The following MED14 variants were observed in gnomAD, a reference collection of about 807,000 sequenced individuals.
MED14 encodes the protein mediator of RNA polymerase II transcription subunit 14.
A neutral mutation model predicts 109.0 loss-of-function variants in MED14; 8 were observed. The observed-to-expected ratio is 0.07, with a 90% CI of 0.04 to 0.13. The LOEUF (loss-of-function observed/expected upper bound fraction) is 0.13, where lower values mean the gene tolerates loss of function less well. MED14 is among the 10% of genes least tolerant of loss of function. The pLI is 1.00. For missense variants in MED14, 711 were observed against 1,142.4 expected (o/e 0.62, Z 5.44); for synonymous variants, 399 against 408.7 (o/e 0.98, Z 0.29).
At chrX:40,723,667 GAAAAAAAAAAAAAAAA>G (rs56676419) in intron 3 of MED14, among the ~76,000 whole-genome samples, 1 of 17,997 alleles carries the variant, frequency 5.6e-5, no homozygotes, top group Admixed American at 1.1e-3. Flanking sequence ...CTCCGTCTCA[GAAAAAAAAAAAAAAAA>G]AAAAAAAAAA....
chrX:40,692,681 T>G (rs368537403), intron 14 of MED14, 27 bp downstream of exon 14: 8 of 1,173,181 alleles, frequency 6.8e-6, no homozygotes, highest in Non-Finnish European at 8.0e-6. Flanking sequence ...ACACAAATTC[T>G]GTGCTCATTT....
rs891068376 is a variant in MED14, at chrX:40,691,897, C to A, written c.1980+286G>T. 4.5e-5 allele frequency among the ~76,000 whole-genome samples: 5 copies of A among 110,083 alleles called. No homozygotes were observed. The Admixed American group carries it at 4.8e-4, about 11-fold the overall frequency. ...AAAGTGCTGGGATTACAGGTGTGAGCCACCGTGCCCAGCCCTGTCCACTTT... is the reference window on the plus strand; with the variant it reads ...AAAGTGCTGGGATTACAGGTGTGAGACACCGTGCCCAGCCCTGTCCACTTT... On this transcript the variant is annotated intron_variant, in intron 15 of 30. Transcript: ENST00000324817.
At chrX:40,671,640 T>C (rs906412790) in intron 23 of MED14, among the ~76,000 whole-genome samples, 6 of 111,998 alleles carry the variant, frequency 5.4e-5, no homozygotes, top group Non-Finnish European at 1.1e-4. Context: ...TGAGTCTGGC[T>C]CTGGGTGACA....
rs753364174 is a variant in MED14 at position 40,666,698 on chromosome X, C to T, written c.3265+22G>A. ...TTCACATCAAGCTCTTATGCTATAT[C>T]GATTTCCATGTATGGACTCACCATG... On this transcript the variant is annotated intron_variant, in intron 24 of 30. Transcript: ENST00000324817. 18 of 1,203,580 alleles carry T rather than the reference C, an allele frequency of 1.5e-5. No homozygotes were observed. In the African/African-American group the frequency reaches 2.6e-4, roughly 18 times the overall value.
chrX:40,717,717 T>C (rs1250977939), intron 3 of MED14, among the ~76,000 whole-genome samples: 1 of 111,352 alleles, frequency 9.0e-6, no homozygotes, highest in African/African-American at 3.3e-5. Flanking sequence ...AAGACGGGGT[T>C]TCACCATGCT....
intron 30 of MED14, 151 bp from the exon 31 acceptor site, chrX:40,652,030 A>G (rs1255045358): frequency 3.5e-6 from 2 of 572,213 alleles, no homozygotes; most frequent in African/African-American, 4.8e-5. Flanking sequence ...ATTGGGGATT[A>G]AGCTGTGGTG....
intron 15 of MED14, among the ~76,000 whole-genome samples, chrX:40,690,540 G>A (rs1049679816): frequency 1.8e-5 from 2 of 110,863 alleles, no homozygotes; most frequent in African/African-American, 3.3e-5. Context: ...TCAGCCTCCC[G>A]AGTAGCTGGG....
At chrX:40,657,050 G>A (rs1929076776) in intron 28 of MED14, among the ~76,000 whole-genome samples, 1 of 110,850 alleles carries the variant, frequency 9.0e-6, no homozygotes. Context: ...ACCACACCTG[G>A]CTAATTCTTT....
chrX:40,701,000 G>A (rs1349813144), intron 12 of MED14, among the ~76,000 whole-genome samples, 165 bp downstream of exon 12: 1 of 111,693 alleles, frequency 9.0e-6, no homozygotes, highest in African/African-American at 3.3e-5. Context: ...CTGACATCTT[G>A]GAACTATTCC....
chrX:40,684,594 T>C (rs781029202), intron 16 of MED14, among the ~76,000 whole-genome samples: 47 of 112,524 alleles, frequency 4.2e-4, no homozygotes, highest in African/African-American at 1.5e-3. Flanking sequence ...TACTGAGGAC[T>C]TGCCTGCCCT....
intron 26 of MED14, among the ~76,000 whole-genome samples, chrX:40,661,597 G>A (rs780670591): frequency 1.8e-4 from 20 of 112,477 alleles, no homozygotes; most frequent in African/African-American, 6.1e-4. Flanking sequence ...TGCCTAGACA[G>A]TATATTAAGG....
rs763891066 is a variant in MED14 at position 40,709,502 on chromosome X, A to G, written c.1174-43T>C. ...ACAAATTCAAATGTGCAATTTAAACATTTTTACTTTAAAAGCCCAAGAGTA... is the reference window on the plus strand; with the variant it reads ...ACAAATTCAAATGTGCAATTTAAACGTTTTTACTTTAAAAGCCCAAGAGTA... On this transcript the variant is annotated intron_variant, in intron 9 of 30. Coordinates refer to ENST00000324817, the MANE Select transcript of MED14 (RefSeq NM_004229.4). The G allele has an allele frequency of 1.6e-5, 11 of 704,266 alleles. No individual in the cohort carries two copies. The South Asian group carries it at 4.0e-4, about 25-fold the overall frequency. 58.0% of individuals were successfully genotyped at this position (704,266 alleles called of 1,213,427 possible).
At position 40,682,956 on chromosome X, in the gene MED14, C is replaced by T; in HGVS notation, c.2098G>A (p.Ala700Thr). 2.5e-6 allele frequency: 3 copies of T among 1,210,302 alleles called. No individual in the cohort carries two copies. In the South Asian group the frequency reaches 5.3e-5, roughly 21 times the overall value. ...CAATCAAGAAGAGAGCGGTCCAGAG[C>T]CTTTTGGGTTTCCTCAGTTATACCC... ...CKGITEETQKALDRSLLDCTF... is the reference protein window; with the variant it reads ...CKGITEETQKTLDRSLLDCTF... Residue 700 changes from alanine (A) to threonine (T), a missense_variant, in exon 17 of 31, where the codon GCT becomes ACT. By Grantham distance (58) the Ala-to-Thr change is moderately conservative (BLOSUM62 0). Around this residue, in one of 8 missense-constraint regions of MED14, gnomAD observed 388 missense variants for 517.3 expected, o/e 0.75. Coordinates refer to ENST00000324817, the MANE Select transcript of MED14 (RefSeq NM_004229.4).
Position 40,651,594 on chromosome X carries a change from G to A in MED14, c.*212C>T. On this transcript the variant is annotated 3_prime_UTR_variant, in exon 31 of 31. Transcript: ENST00000324817. ...CACTGATTTATTTCCTTTGAAATGT[G>A]TCCCATTTAAACACACTATACAAGT... The A allele has an allele frequency of 3.2e-6, 3 of 946,068 alleles. No individual in the cohort carries two copies. Among genetic ancestry groups the A allele is most frequent in the Non-Finnish European group, 4.0e-6 (3 of 753,602 alleles). The allele number at this position is 946,068 out of a possible 1,213,427, so 78.0% of individuals were successfully genotyped here. A position where few individuals can be genotyped will look rare whatever the true frequency, so the allele number is the denominator to read the frequency against.
At chrX:40,707,353 T>C (rs1602481398) in intron 10 of MED14, among the ~76,000 whole-genome samples, 1 of 112,222 alleles carries the variant, frequency 8.9e-6, no homozygotes, top group East Asian at 2.8e-4. Context: ...CCTTCCCACA[T>C]TGCTGGTTAG....
intron 21 of MED14, among the ~76,000 whole-genome samples, chrX:40,675,573 A>G (rs1049081325): frequency 8.9e-6 from 1 of 112,242 alleles, no homozygotes; most frequent in Non-Finnish European, 1.9e-5. Flanking sequence ...CATATTGACT[A>G]AGAAATATTG....
At chrX:40,669,032 CTTTAAGTG>C (rs1929627525) in intron 23 of MED14, among the ~76,000 whole-genome samples, 1 of 111,586 alleles carries the variant, frequency 9.0e-6, no homozygotes, top group South Asian at 3.8e-4. Flanking sequence ...CTTGACTAAC[CTTTAAGTG>C]TTTATGTTTA....
intron 7 of MED14, 28 bp from the exon 8 acceptor site, chrX:40,711,329 T>C (rs371983755): frequency 7.1e-6 from 8 of 1,132,302 alleles, no homozygotes; most frequent in Non-Finnish European, 8.4e-6. Context: ...GTAAAATTAA[T>C]ACATTACACC....
chrX:40,682,524 ATGT>A, intron 18 of MED14, 76 bp downstream of exon 18: 1 of 826,735 alleles, frequency 1.2e-6, no homozygotes, highest in Non-Finnish European at 1.7e-6. Context: ...AACACTGTGC[ATGT>A]TTCACTTCAG....
Sources: gnomAD v4.1 joint callset for allele counts (sites outside exome capture counted in the v4.1 genomes callset) on GRCh38, gnomAD v4.1.1 for gene constraint, gnomAD v4.1.1 regional missense constraint, MANE v1.5 for transcripts, NCBI Gene and HGNC (gene_info 2026-07-23, HGNC 2026-07-21) for gene names.